The following ADAMTS19 variants were observed in gnomAD, a reference collection of about 807,000 sequenced individuals.
ADAMTS19 encodes the protein A disintegrin and metalloproteinase with thrombospondin motifs 19.
Under a neutral mutation model 153.3 loss-of-function variants are expected in ADAMTS19, and 93 were observed. The observed-to-expected ratio is 0.61, with a 90% CI of 0.51 to 0.72. The LOEUF is 0.72. Ranked by LOEUF, ADAMTS19 falls within the 30% of genes least tolerant of loss-of-function variation. The pLI, the probability that ADAMTS19 is intolerant of heterozygous loss-of-function variation, is 0.00. For missense variants in ADAMTS19, 1,482 were observed against 1,552.1 expected (o/e 0.95, Z 0.76); for synonymous variants, 600 against 556.6 (o/e 1.08, Z -1.10).
chr5:129,671,318 G>A (rs1402330907), intron 16 of ADAMTS19, among the ~76,000 whole-genome samples: 4 of 152,114 alleles, frequency 2.6e-5, no homozygotes. Flanking sequence ...ATTCAAGGAT[G>A]ACTTCTAGGT....
chr5:129,472,988 C>A (rs1057288695), intron 2 of ADAMTS19, among the ~76,000 whole-genome samples: 1 of 151,682 alleles, frequency 6.6e-6, no homozygotes, highest in Non-Finnish European at 1.5e-5. Flanking sequence ...AAATTGTAAA[C>A]TCTTTGTGAG....
chr5:129,701,704 T>C, intron 20 of ADAMTS19, 112 bp downstream of exon 20: 2 of 1,147,028 alleles, frequency 1.7e-6, no homozygotes, highest in Middle Eastern at 3.0e-4. Flanking sequence ...TTCTATACTA[T>C]TTATTAATTT....
intron 7 of ADAMTS19, among the ~76,000 whole-genome samples, chr5:129,577,305 C>A (rs1222728880): frequency 6.6e-6 from 1 of 152,108 alleles, no homozygotes; most frequent in Non-Finnish European, 1.5e-5. Flanking sequence ...ATTCCAGAAA[C>A]TGTTTCACAC....
At chr5:129,540,523 A>T (rs780281700) in intron 6 of ADAMTS19, among the ~76,000 whole-genome samples, 26 of 152,074 alleles carry the variant, frequency 1.7e-4, no homozygotes, top group Non-Finnish European at 3.2e-4. Context: ...TTTATTAATG[A>T]TAGCTTTGCC....
chr5:129,461,590 G>C lies in ADAMTS19; in HGVS notation c.580G>C (p.Ala194Pro). The change falls in exon 2 of 23, where the codon GCG becomes CCG. Residue 194 changes from alanine (A) to proline (P), a missense_variant. By Grantham distance (27) the Ala-to-Pro change is conservative. This residue lies in a region of ADAMTS19 where 866 missense variants were observed against 827.7 expected (regional missense o/e 1.05). Coordinates refer to ENST00000274487, the MANE Select transcript of ADAMTS19 (RefSeq NM_133638.6). The surrounding 1 kb of genome is among the most constrained non-coding windows in gnomAD (Gnocchi z 4.6). ...LLLRRDGRFL[A>P]PRFAVEQRPN... Reference sequence around the variant, plus strand: ...GCTCCGGAGAGACGGCCGCTTCCTGGCGCCGCGCTTCGCAGTGGAACAGCG... The same window carrying C: ...GCTCCGGAGAGACGGCCGCTTCCTGCCGCCGCGCTTCGCAGTGGAACAGCG... 6.3e-7 allele frequency: 1 copy of C among 1,580,080 alleles called. No homozygotes were observed. Among genetic ancestry groups the C allele is most frequent in the Non-Finnish European group, 8.5e-7 (1 of 1,170,188 alleles).
chr5:129,526,200 G>T (rs1752000518), intron 3 of ADAMTS19, 84 bp from the exon 4 acceptor site: 2 of 1,169,026 alleles, frequency 1.7e-6, no homozygotes, highest in Non-Finnish European at 2.3e-6. Context: ...GAACTTATTT[G>T]GGTTTGCTCA....
intron 10 of ADAMTS19, among the ~76,000 whole-genome samples, chr5:129,624,299 G>C (rs561906540): frequency 4.5e-4 from 69 of 152,202 alleles, no homozygotes; most frequent in African/African-American, 1.7e-3. Context: ...TGTAAGGTCT[G>C]TCTCCGGTAC....
At chr5:129,726,200 C>T (rs1757205143) in intron 21 of ADAMTS19, among the ~76,000 whole-genome samples, 1 of 152,086 alleles carries the variant, frequency 6.6e-6, no homozygotes, top group Non-Finnish European at 1.5e-5. Context: ...AAATCTCGTA[C>T]ATGGAGTAGA....
chr5:129,622,096 T>C, intron 9 of ADAMTS19, 102 bp from the exon 10 acceptor site: 2 of 1,118,110 alleles, frequency 1.8e-6, no homozygotes, highest in South Asian at 2.8e-5. Context: ...AGCTTAGAGA[T>C]ATATTTTTGA....
At chr5:129,716,053 T>G (rs1378165334) in intron 21 of ADAMTS19, among the ~76,000 whole-genome samples, 2 of 151,936 alleles carry the variant, frequency 1.3e-5, no homozygotes, top group Non-Finnish European at 2.9e-5. Context: ...AAAAAAAAAG[T>G]ATTTTTAAAA....
chr5:129,522,273 GT>G (rs1561549450), intron 3 of ADAMTS19, among the ~76,000 whole-genome samples: 1 of 127,816 alleles, frequency 7.8e-6, no homozygotes, highest in African/African-American at 3.0e-5. Context: ...AACAACATAT[GT>G]ATGCGTAGTT....
At position 129,578,079 on chromosome 5, in the gene ADAMTS19, C is replaced by CACACACACACAT. The variant is rs1442337062; in HGVS notation, c.1373-18479_1373-18478insCACACACACATA. ...ACACACACACACACACACACACACACATATATACATATACATACATATACA... is the reference window on the plus strand; with the variant it reads ...ACACACACACACACACACACACACACACACACACACATATATATACATATACATACATATACA... On this transcript the variant is annotated intron_variant, in intron 7 of 22. Coordinates refer to ENST00000274487, the MANE Select transcript of ADAMTS19 (RefSeq NM_133638.6). Among the ~76,000 whole-genome samples, 326 of 88,494 alleles carry CACACACACACAT rather than the reference C, an allele frequency of 3.7e-3. 9 individuals carry two copies. Among genetic ancestry groups the CACACACACACAT allele is most frequent in the Middle Eastern group, 0.014 (2 of 138 alleles). The allele number at this position is 88,494 out of a possible 152,430, so 58.1% of individuals were successfully genotyped here.
intron 21 of ADAMTS19, among the ~76,000 whole-genome samples, chr5:129,713,872 A>G (rs989550162): frequency 6.6e-6 from 1 of 152,022 alleles, no homozygotes; most frequent in African/African-American, 2.4e-5. Flanking sequence ...GCACTCCAGC[A>G]TCTACACAAC....
At chr5:129,470,545 CT>C (rs1464036864) in intron 2 of ADAMTS19, among the ~76,000 whole-genome samples, 2 of 152,296 alleles carry the variant, frequency 1.3e-5, no homozygotes, top group African/African-American at 4.8e-5. Context: ...CATCATTATT[CT>C]GATGCCAAGC....
chr5:129,632,724 T>C (rs1352949404), intron 10 of ADAMTS19, among the ~76,000 whole-genome samples: 1 of 152,056 alleles, frequency 6.6e-6, no homozygotes, highest in African/African-American at 2.4e-5. Context: ...CTCTATCTTC[T>C]CTTCTCCATA....
At chr5:129,651,031 C>T (rs956453615) in intron 13 of ADAMTS19, among the ~76,000 whole-genome samples, 1 of 152,162 alleles carries the variant, frequency 6.6e-6, no homozygotes, top group Non-Finnish European at 1.5e-5. Context: ...TCTTGGAACA[C>T]TCGTGTGCCC....
intron 7 of ADAMTS19, among the ~76,000 whole-genome samples, chr5:129,591,970 T>A (rs960630288): frequency 2.2e-4 from 33 of 152,238 alleles, no homozygotes; most frequent in Non-Finnish European, 4.6e-4. Context: ...AACATCTGGC[T>A]TGTGTTTTGT....
chr5:129,593,617 G>C (rs1257841262), intron 7 of ADAMTS19, among the ~76,000 whole-genome samples: 1 of 151,998 alleles, frequency 6.6e-6, no homozygotes, highest in East Asian at 1.9e-4. Context: ...ATAGATCCCT[G>C]TAAGTGTTAT....
chr5:129,575,034 A>G (rs1754050951), intron 7 of ADAMTS19, among the ~76,000 whole-genome samples: 1 of 152,038 alleles, frequency 6.6e-6, no homozygotes, highest in South Asian at 2.1e-4. Flanking sequence ...AGTAATATTT[A>G]AGAGCTTCAG....
Sources: allele counts gnomAD v4.1 joint callset (sites outside exome capture counted in the v4.1 genomes callset), GRCh38; gene constraint gnomAD v4.1.1; regional missense constraint gnomAD v4.1.1; non-coding constraint Gnocchi (gnomAD v3.1); transcripts MANE v1.5; gene names NCBI Gene and HGNC (gene_info 2026-07-23, HGNC 2026-07-21).